ADAM28: variants seen among roughly 807,000 people sequenced by gnomAD.
The protein encoded by ADAM28 is disintegrin and metalloproteinase domain-containing protein 28.
ADAM28 carries 105 observed loss-of-function variants against 101.2 expected under a neutral mutation model. The ratio of observed to expected loss-of-function variants is 1.04; its 90% confidence interval spans 0.89 to 1.22. ADAM28 has a LOEUF of 1.22. Ranked by LOEUF, ADAM28 falls within the 50% of genes most tolerant of loss-of-function variation. ADAM28 has a pLI of 0.00. For missense variants in ADAM28, 1,028 were observed against 945.4 expected, an observed-to-expected ratio of 1.09 and a Z score of -1.15; for synonymous variants, 322 against 310.6, an observed-to-expected ratio of 1.04 and a Z score of -0.39.
At chr8:24,335,272 A>G (rs1240218262) in intron 13 of ADAM28, among the ~76,000 whole-genome samples, 174 bp from the exon 14 acceptor site, 1 of 152,072 alleles carries the variant, frequency 6.6e-6, no homozygotes, top group African/African-American at 2.4e-5. Flanking sequence ...CAATATTAAT[A>G]GAAGTGATAT....
intron 10 of ADAM28, among the ~76,000 whole-genome samples, chr8:24,329,782 G>T (rs957125499): frequency 6.6e-6 from 1 of 151,834 alleles, no homozygotes; most frequent in Non-Finnish European, 1.5e-5. Flanking sequence ...ACTCAAAGAG[G>T]AAAGGGCAGA....
intron 8 of ADAM28, among the ~76,000 whole-genome samples, chr8:24,322,168 T>C (rs139521816): frequency 8.3e-4 from 126 of 152,058 alleles, no homozygotes; most frequent in African/African-American, 3.0e-3. Flanking sequence ...GGGCTAAACA[T>C]TGATAATGCA....
intron 13 of ADAM28, among the ~76,000 whole-genome samples, chr8:24,333,989 T>C (rs1369970722): frequency 6.6e-6 from 1 of 152,140 alleles, no homozygotes; most frequent in Non-Finnish European, 1.5e-5. Flanking sequence ...CCAGGTTTTA[T>C]AGGGAATGTT....
intron 14 of ADAM28, among the ~76,000 whole-genome samples, chr8:24,336,650 T>G (rs1463005017): frequency 6.6e-6 from 1 of 150,456 alleles, no homozygotes; most frequent in Non-Finnish European, 1.5e-5. Context: ...AGATCATAAG[T>G]GATCTAGCTT....
chr8:24,296,660 C>T (rs1017165199), intron 1 of ADAM28, among the ~76,000 whole-genome samples: 1 of 152,114 alleles, frequency 6.6e-6, no homozygotes, highest in African/African-American at 2.4e-5. Flanking sequence ...AATAATTATC[C>T]CATCTAAACC....
chr8:24,329,712 G>A (rs1191794030), intron 10 of ADAM28, among the ~76,000 whole-genome samples: 2 of 152,026 alleles, frequency 1.3e-5, no homozygotes, highest in Non-Finnish European at 2.9e-5. Context: ...TATTGTTGAT[G>A]AAAATTTGCC....
intron 2 of ADAM28, among the ~76,000 whole-genome samples, chr8:24,303,617 T>A (rs1377295873): frequency 6.6e-6 from 1 of 152,218 alleles, no homozygotes; most frequent in Admixed American, 6.5e-5. Context: ...TTGTCTTGGC[T>A]ATACAGGCTC....
rs902183709 is a variant in ADAM28 at position 24,326,702 on chromosome 8, A to G, written c.972+67A>G. 6.2e-6 allele frequency: 9 copies of G among 1,448,514 alleles called. No individual in the cohort carries two copies. The African/African-American group carries it at 1.3e-4, about 20-fold the overall frequency. The allele number at this position is 1,448,514 out of a possible 1,614,324, so 89.7% of individuals were successfully genotyped here. A position where few individuals can be genotyped will look rare whatever the true frequency, so the allele number is the denominator to read the frequency against. On this transcript the variant is annotated intron_variant, in intron 10 of 22. Transcript: ENST00000265769. ...ATCAAATGCTTTTTAAAAAATCTATAGAGAAGATCATGATAGTTTTTCTCT... is the reference window on the plus strand; with the variant it reads ...ATCAAATGCTTTTTAAAAAATCTATGGAGAAGATCATGATAGTTTTTCTCT...
At chr8:24,350,267 A>G (rs978667122) in intron 19 of ADAM28, among the ~76,000 whole-genome samples, 1 of 152,160 alleles carries the variant, frequency 6.6e-6, no homozygotes, top group African/African-American at 2.4e-5. Context: ...TATAATATCT[A>G]ACATTATTTG....
intron 14 of ADAM28, among the ~76,000 whole-genome samples, chr8:24,336,311 C>T (rs547879947): frequency 1.7e-4 from 26 of 152,006 alleles, no homozygotes; most frequent in East Asian, 3.9e-4. Flanking sequence ...TGGCCAGGTG[C>T]GGTGGCTCAC....
At chr8:24,351,886 T>G in intron 20 of ADAM28, 101 bp from the exon 21 acceptor site, 1 of 1,163,184 alleles carries the variant, frequency 8.6e-7, no homozygotes, top group Non-Finnish European at 1.3e-6. Flanking sequence ...TCAGCTTAGT[T>G]CCAAGCTTCC....
intron 6 of ADAM28, among the ~76,000 whole-genome samples, chr8:24,315,353 GA>G (rs999852317): frequency 1.3e-5 from 2 of 151,444 alleles, no homozygotes; most frequent in Non-Finnish European, 3.0e-5. Flanking sequence ...TCTCAGAAAT[GA>G]AAAAAAGATC....
chr8:24,323,083 G>T (rs1812092516), intron 8 of ADAM28, among the ~76,000 whole-genome samples: 1 of 151,936 alleles, frequency 6.6e-6, no homozygotes, highest in Admixed American at 6.6e-5. Context: ...TGGGGGCTTG[G>T]AAGTCCAAAT....
intron 2 of ADAM28, among the ~76,000 whole-genome samples, chr8:24,300,424 GT>G (rs199770748): frequency 3.4e-4 from 51 of 150,532 alleles, no homozygotes; most frequent in South Asian, 2.1e-4. Context: ...TTTGTTTTTT[GT>G]TTTTTTTTCC....
intron 2 of ADAM28, among the ~76,000 whole-genome samples, chr8:24,306,384 ATT>A (rs1247494696): frequency 0.026 from 3,464 of 135,328 alleles, 180 homozygotes; most frequent in East Asian, 0.1. Flanking sequence ...ATATATATAT[ATT>A]TAAAAATATA....
chr8:24,328,476 T>C (rs1008804514), intron 10 of ADAM28, among the ~76,000 whole-genome samples: 6 of 152,100 alleles, frequency 3.9e-5, no homozygotes, highest in African/African-American at 1.2e-4. Flanking sequence ...GTAAAATACA[T>C]ATTTTCAAAC....
rs1197703934 is a variant in ADAM28, at chr8:24,358,277, T to G, written c.*3873T>G. The stretch of plus-strand genomic sequence containing the variant: ...ATATTGCTATTTTTCAGTTGGTGCA[T>G]CCAATATTATTATCAGCTTTAATAT... On this transcript the variant is annotated 3_prime_UTR_variant, in exon 23 of 23. Transcript: ENST00000265769. 2 of 152,224 alleles carry G rather than the reference T, an allele frequency of 1.3e-5. No homozygotes were observed. The highest frequency in any genetic ancestry group is 2.4e-5 in the African/African-American group (1 of 41,462). The allele number at this position is 152,224 out of a possible 1,614,324, so 9.4% of individuals were successfully genotyped here.
At chr8:24,302,243 A>G (rs983803331) in intron 2 of ADAM28, among the ~76,000 whole-genome samples, 1 of 152,124 alleles carries the variant, frequency 6.6e-6, no homozygotes, top group Non-Finnish European at 1.5e-5. Context: ...TTCCAGCTCC[A>G]TCCATGTGCC....
In ADAM28 at chr8:24,349,944, T is replaced by C; in HGVS notation, c.2071T>C (p.Ser691Pro). 6.2e-7 allele frequency: 1 copy of C among 1,613,604 alleles called. No homozygotes were observed. The highest frequency in any genetic ancestry group is 8.5e-7 in the Non-Finnish European group (1 of 1,179,710). The change falls in exon 19 of 23, where the codon TCC becomes CCC. Residue 691 changes from serine (S) to proline (P), a missense_variant. Coordinates refer to ENST00000265769, the MANE Select transcript of ADAM28 (RefSeq NM_014265.6). The part of the protein sequence containing the change: ...VVAMVIRHQS[S>P]REKQKKDQRP... ...TGCTATGGTAATCCGGCACCAGAGC[T>C]CCAGAGAAAAGCAGAAGAAAGATCA...
Sources: gnomAD v4.1 joint callset for allele counts (sites outside exome capture counted in the v4.1 genomes callset) on GRCh38, gnomAD v4.1.1 for gene constraint, MANE v1.5 for transcripts, NCBI Gene and HGNC (gene_info 2026-07-23, HGNC 2026-07-21) for gene names.